The following ARHGAP15 variants were observed in gnomAD, a reference collection of about 807,000 sequenced individuals.
ARHGAP15 encodes Rho GTPase activating protein 15, also known as rho GTPase-activating protein 15.
A neutral mutation model predicts 63.7 loss-of-function variants in ARHGAP15; 51 were observed. The ratio of observed to expected loss-of-function variants is 0.80; its 90% CI spans 0.64 to 1.01. The LOEUF (loss-of-function observed/expected upper bound fraction) is 1.01, where lower values mean the gene tolerates loss of function less well. ARHGAP15 is among the 50% of genes least tolerant of loss of function. The probability of loss-of-function intolerance (pLI) is 0.00; values close to 1 mark genes in which losing one functional copy is unlikely to be tolerated. For synonymous variants in ARHGAP15, 191 were observed against 193.8 expected, an observed-to-expected ratio of 0.99 and a Z score of 0.12; for missense variants, 560 against 564.6, an observed-to-expected ratio of 0.99 and a Z score of 0.08.
intron 13 of ARHGAP15, among the ~76,000 whole-genome samples, chr2:143,748,929 A>G (rs1206664145): frequency 6.6e-6 from 1 of 152,130 alleles, no homozygotes; most frequent in African/African-American, 2.4e-5. Flanking sequence ...CCCCCAAAAC[A>G]TCTTGTCACT....
intron 6 of ARHGAP15, among the ~76,000 whole-genome samples, chr2:143,399,078 G>A (rs1021749531): frequency 1.3e-5 from 2 of 151,712 alleles, no homozygotes; most frequent in African/African-American, 2.4e-5. Context: ...AGAATAACAG[G>A]TGCAAAAAAA....
Position 143,510,018 on chromosome 2 carries a change from TAAAAAAAAAAA to T in ARHGAP15, c.827-9229_827-9219del, listed in dbSNP as rs35469918. Reference sequence around the variant, plus strand: ...CTGGCGACAGAGTAAGACTCCCTCTTAAAAAAAAAAAAAAAAAAAAAAAAAAAAATAGAAAC... The same window carrying T: ...CTGGCGACAGAGTAAGACTCCCTCTTAAAAAAAAAAAAAAAAAATAGAAAC... On this transcript the variant is annotated intron_variant, in intron 9 of 13. Transcript: ENST00000295095. 5.7e-4 allele frequency among the ~76,000 whole-genome samples: 28 copies of T among 48,826 alleles called. No individual in the cohort carries two copies. The East Asian group carries it at 7.8e-3, about 14-fold the overall frequency. The allele number at this position is 48,826 out of a possible 152,430, so 32.0% of individuals were successfully genotyped here.
chr2:143,454,232 A>G (rs1379428678), intron 8 of ARHGAP15, among the ~76,000 whole-genome samples: 1 of 152,020 alleles, frequency 6.6e-6, no homozygotes, highest in African/African-American at 2.4e-5. Flanking sequence ...CAAGAAAGGA[A>G]TTAGTTGGAA....
chr2:143,161,973 A>G lies in ARHGAP15; in HGVS notation c.165+6318A>G, dbSNP rs549885382. The G allele has an allele frequency of 5.0e-4, 76 of 152,068 alleles. 1 individual carries two copies. The highest frequency in any genetic ancestry group is 1.8e-3 in the African/African-American group (73 of 41,528). 9.4% of individuals were successfully genotyped at this position (152,068 alleles called of 1,614,324 possible). A position where few individuals can be genotyped will look rare whatever the true frequency, so the allele number is the denominator to read the frequency against. On this transcript the variant is annotated intron_variant, in intron 2 of 13. Transcript: ENST00000295095. ...ATCTCAGGTCAATAACAAACCATGG[A>G]ATGACAGATATCATTCATGAGATGT...
intron 6 of ARHGAP15, among the ~76,000 whole-genome samples, chr2:143,387,908 TGCACACAC>T (rs1687366822): frequency 7.5e-6 from 1 of 133,140 alleles, no homozygotes; most frequent in Non-Finnish European, 1.7e-5. Flanking sequence ...CACGCATGCC[TGCACACAC>T]ACACACACAC....
intron 6 of ARHGAP15, among the ~76,000 whole-genome samples, chr2:143,254,519 T>G (rs974168876): frequency 2.0e-5 from 3 of 152,098 alleles, no homozygotes; most frequent in African/African-American, 7.2e-5. Context: ...TTAAATATTT[T>G]GGAAAGCCTA....
At chr2:143,725,452 T>C (rs373002067) in intron 13 of ARHGAP15, among the ~76,000 whole-genome samples, 10 of 152,372 alleles carry the variant, frequency 6.6e-5, no homozygotes, top group African/African-American at 2.2e-4. Flanking sequence ...CATTATGATT[T>C]TAACATTTAT....
Position 143,472,443 on chromosome 2 carries a change from A to G in ARHGAP15, c.704-14930A>G, listed in dbSNP as rs999001784. ...ATGCGTCAAAAGTGTGAGAAAATGT[A>G]CTGTCTCAACAGGCGATTCCTAGGG... On this transcript the variant is annotated intron_variant, in intron 8 of 13. Coordinates refer to ENST00000295095, the MANE Select transcript of ARHGAP15 (RefSeq NM_018460.4). Among the ~76,000 whole-genome samples, 3 of 152,180 alleles carry G rather than the reference A, an allele frequency of 2.0e-5. No homozygotes were observed. The East Asian group carries it at 5.8e-4, about 29-fold the overall frequency.
At chr2:143,350,858 A>G (rs1685533879) in intron 6 of ARHGAP15, 1 of 150,618 alleles carries the variant, frequency 6.6e-6, no homozygotes, top group Non-Finnish European at 1.5e-5. Flanking sequence ...AAAAAAAAAA[A>G]AAAAGAAATT....
intron 13 of ARHGAP15, among the ~76,000 whole-genome samples, chr2:143,755,243 A>G (rs1382197895): frequency 2.1e-5 from 3 of 144,880 alleles, no homozygotes. Flanking sequence ...AATATCTTTA[A>G]TAGGTGCTCC....
At chr2:143,581,145 T>G (rs1471667953) in intron 11 of ARHGAP15, among the ~76,000 whole-genome samples, 3 of 152,124 alleles carry the variant, frequency 2.0e-5, no homozygotes, top group African/African-American at 7.2e-5. Flanking sequence ...CCGTCCATGT[T>G]TTCAGGCATA....
chr2:143,344,270 A>T (rs1685177204), intron 6 of ARHGAP15: 1 of 152,178 alleles, frequency 6.6e-6, no homozygotes, highest in African/African-American at 2.4e-5. Context: ...TCAAAGCCTG[A>T]TATAACTAAT....
chr2:143,346,240 ACACACACACT>A (rs1204806286), intron 6 of ARHGAP15, among the ~76,000 whole-genome samples: 105 of 143,698 alleles, frequency 7.3e-4, no homozygotes, highest in African/African-American at 1.9e-3. Context: ...TCTCTCTCAC[ACACACACACT>A]CACACACACA....
chr2:143,619,240 A>T (rs1698564977), intron 11 of ARHGAP15, among the ~76,000 whole-genome samples: 1 of 152,172 alleles, frequency 6.6e-6, no homozygotes, highest in African/African-American at 2.4e-5. Context: ...AGCTACTGTC[A>T]AATTTTTTCT....
At chr2:143,730,110 T>A (rs1685459877) in intron 13 of ARHGAP15, among the ~76,000 whole-genome samples, 1 of 152,182 alleles carries the variant, frequency 6.6e-6, no homozygotes. Context: ...AAGACCACCA[T>A]ATATAGAAAG....
In ARHGAP15 at chr2:143,597,664, A is replaced by T. The variant is rs529127705; in HGVS notation, c.1004-26469A>T. Among the ~76,000 whole-genome samples, 65 of 152,296 alleles carry T rather than the reference A, an allele frequency of 4.3e-4. No homozygotes were observed. In the East Asian group the frequency reaches 0.012, roughly 28 times the overall value. On this transcript the variant is annotated intron_variant, in intron 11 of 13. Transcript: ENST00000295095. ...CTGTTTTGTTAAGTAAATAGCATTT[A>T]CTCACATGAGAAAATAACTTTTAAA...
chr2:143,523,927 T>G (rs1450538861), intron 10 of ARHGAP15, among the ~76,000 whole-genome samples: 2 of 152,152 alleles, frequency 1.3e-5, no homozygotes, highest in Non-Finnish European at 2.9e-5. Flanking sequence ...TTTTTTAAAA[T>G]GAAATCATGT....
intron 12 of ARHGAP15, among the ~76,000 whole-genome samples, chr2:143,681,951 A>G (rs1340434362): frequency 1.3e-5 from 2 of 152,250 alleles, no homozygotes; most frequent in Non-Finnish European, 2.9e-5. Context: ...AAGTAATGCT[A>G]GAAGGCTAAA....
chr2:143,400,258 G>C (rs1319219170), intron 6 of ARHGAP15, among the ~76,000 whole-genome samples: 2 of 151,958 alleles, frequency 1.3e-5, no homozygotes, highest in African/African-American at 4.8e-5. Flanking sequence ...AGGAATTTAG[G>C]CTTAAAATAA....
Sources: allele counts gnomAD v4.1 joint callset (sites outside exome capture counted in the v4.1 genomes callset), GRCh38; gene constraint gnomAD v4.1.1; transcripts MANE v1.5; gene names NCBI Gene and HGNC (gene_info 2026-07-23, HGNC 2026-07-21).